Variants in NUTF2 observed in about 807,000 individuals in gnomAD.
NUTF2 encodes nuclear transport factor 2.
In NUTF2, 3 loss-of-function variants were observed where a neutral mutation model predicts 18.5. That is an observed-to-expected ratio of 0.16 (90% CI 0.07 to 0.42). The LOEUF is 0.42. NUTF2 is among the 10% of genes least tolerant of loss of function. NUTF2 has a pLI of 0.99. For synonymous variants in NUTF2, 51 were observed against 57.9 expected (o/e 0.88, Z 0.54); for missense variants, 44 against 160.7 (o/e 0.27, Z 3.93).
intron 2 of NUTF2, among the ~76,000 whole-genome samples, chr16:67,866,631 A>G (rs1037440368): frequency 1.5e-4 from 23 of 151,942 alleles, no homozygotes; most frequent in African/African-American, 4.6e-4. Context: ...ATGCCCGGCT[A>G]ATTTTTGTAT....
intron 1 of NUTF2, among the ~76,000 whole-genome samples, chr16:67,862,695 C>T (rs572399611): frequency 2.6e-5 from 4 of 152,102 alleles, no homozygotes; most frequent in Non-Finnish European, 5.9e-5. Context: ...AGCAGCCAGA[C>T]GTGGTGGTGC....
intron 1 of NUTF2, among the ~76,000 whole-genome samples, chr16:67,849,840 A>G (rs910432719): frequency 6.6e-6 from 1 of 151,728 alleles, no homozygotes; most frequent in African/African-American, 2.4e-5. Flanking sequence ...TTGTATTTTT[A>G]GTAGAGACGG....
Position 67,862,019 on chromosome 16 carries a change from G to T in NUTF2, c.-29-3083G>T, listed in dbSNP as rs2057938498. On this transcript the variant is annotated intron_variant, in intron 1 of 4. Coordinates refer to ENST00000219169, the MANE Select transcript of NUTF2 (RefSeq NM_005796.3). ...GAGCAGGCTCTCGGTAGGTTCTGTTGTGTCTGTATGTAGCTGGATCGAGGT... is the reference window on the plus strand; with the variant it reads ...GAGCAGGCTCTCGGTAGGTTCTGTTTTGTCTGTATGTAGCTGGATCGAGGT... 2.0e-5 allele frequency among the ~76,000 whole-genome samples: 3 copies of T among 152,120 alleles called. No individual in the cohort carries two copies. The South Asian group carries it at 6.2e-4, about 32-fold the overall frequency.
At chr16:67,852,196 T>C (rs2057864443) in intron 1 of NUTF2, among the ~76,000 whole-genome samples, 2 of 152,052 alleles carry the variant, frequency 1.3e-5, no homozygotes, top group Admixed American at 1.3e-4. Flanking sequence ...TGGTGTTGTA[T>C]ACCTGTAGTT....
rs772470273 is a variant in NUTF2 at position 67,870,940 on chromosome 16, G to GT, written c.*30dup. On this transcript the variant is annotated 3_prime_UTR_variant, in exon 5 of 5. Transcript: ENST00000219169. ...CTCCTCTCAGCTAGGCACTCACGCT[G>GT]TTTCCTCCTCCCTCCTCTTCCCAAT... 6.7e-6 allele frequency: 10 copies of GT among 1,493,536 alleles called. No individual in the cohort carries two copies. The African/African-American group carries it at 1.4e-4, about 21-fold the overall frequency. The allele number at this position is 1,493,536 out of a possible 1,614,324, so 92.5% of individuals were successfully genotyped here. A position where few individuals can be genotyped will look rare whatever the true frequency, so the allele number is the denominator to read the frequency against.
chr16:67,855,536 C>T (rs1190088166), intron 1 of NUTF2, among the ~76,000 whole-genome samples: 1 of 152,142 alleles, frequency 6.6e-6, no homozygotes, highest in African/African-American at 2.4e-5. Context: ...TCTGGGGTAC[C>T]TGGGAACTGA....
At chr16:67,850,867 C>T (rs942962485) in intron 1 of NUTF2, among the ~76,000 whole-genome samples, 1 of 151,982 alleles carries the variant, frequency 6.6e-6, no homozygotes. Context: ...GTGGTGCAAT[C>T]TCAGCTCACT....
intron 1 of NUTF2, among the ~76,000 whole-genome samples, chr16:67,851,579 C>T (rs938732508): frequency 1.3e-5 from 2 of 152,172 alleles, no homozygotes; most frequent in South Asian, 4.2e-4. Flanking sequence ...CATATGTATA[C>T]ATAACGCCAT....
intron 1 of NUTF2, among the ~76,000 whole-genome samples, chr16:67,854,898 C>T (rs960549717): frequency 6.6e-6 from 1 of 151,956 alleles, no homozygotes; most frequent in East Asian, 1.9e-4. Context: ...GCCAAGATCG[C>T]GCCACTGCAC....
chr16:67,871,776 T>C lies in NUTF2; in HGVS notation c.*863T>C, dbSNP rs1176760157. 1 of 152,252 alleles carries C rather than the reference T, an allele frequency of 6.6e-6. No individual in the cohort carries two copies. Among genetic ancestry groups the C allele is most frequent in the Non-Finnish European group, 1.5e-5 (1 of 68,086 alleles). 9.4% of individuals were successfully genotyped at this position (152,252 alleles called of 1,614,324 possible). ...TATCCCCAGAAGGATCAGGATCATATCCAGGATGCCCCACATACACCAAGC... is the reference window on the plus strand; with the variant it reads ...TATCCCCAGAAGGATCAGGATCATACCCAGGATGCCCCACATACACCAAGC... On this transcript the variant is annotated 3_prime_UTR_variant, in exon 5 of 5. Transcript: ENST00000219169.
Position 67,870,889 on chromosome 16 carries a change from G to A in NUTF2, c.360G>A (p.Arg120=). 1 of 1,613,852 alleles carries A rather than the reference G, an allele frequency of 6.2e-7. No individual in the cohort carries two copies. Among genetic ancestry groups the A allele is most frequent in the Non-Finnish European group, 8.5e-7 (1 of 1,179,786 alleles). ...GGGTTTGCACCAATGACATGTTCAG[G>A]CTCGCCCTGCACAACTTTGGCTGAC... ...DAWVCTNDMF[R]LALHNFG Residue 120 remains arginine (R), a synonymous_variant, in exon 5 of 5, where the codon AGG becomes AGA. Transcript: ENST00000219169.
chr16:67,859,206 G>A (rs1038804234), intron 1 of NUTF2, among the ~76,000 whole-genome samples: 1 of 151,826 alleles, frequency 6.6e-6, no homozygotes, highest in Non-Finnish European at 1.5e-5. Context: ...TTGAGATGGA[G>A]TCTCACTCTG....
chr16:67,854,268 T>G (rs1240514290), intron 1 of NUTF2, among the ~76,000 whole-genome samples: 1 of 152,200 alleles, frequency 6.6e-6, no homozygotes, highest in Non-Finnish European at 1.5e-5. Flanking sequence ...GGCCTTCTAG[T>G]CCCCTGCTTG....
chr16:67,856,686 T>G (rs2057900381), intron 1 of NUTF2, among the ~76,000 whole-genome samples: 1 of 151,770 alleles, frequency 6.6e-6, no homozygotes, highest in South Asian at 2.1e-4. Context: ...TTTTTTGTAT[T>G]TTTTATAGGG....
chr16:67,864,855 C>G (rs2057959708), intron 1 of NUTF2, among the ~76,000 whole-genome samples: 1 of 152,126 alleles, frequency 6.6e-6, no homozygotes, highest in Non-Finnish European at 1.5e-5. Context: ...CTCCACGACC[C>G]TATCATCTAT....
At chr16:67,869,014 G>A (rs1270696132) in intron 4 of NUTF2, among the ~76,000 whole-genome samples, 1 of 151,902 alleles carries the variant, frequency 6.6e-6, no homozygotes, top group Non-Finnish European at 1.5e-5. Context: ...TGCAGCCCTT[G>A]CTACCACTCC....
intron 1 of NUTF2, among the ~76,000 whole-genome samples, chr16:67,850,349 C>T (rs2057844405): frequency 1.3e-5 from 2 of 151,656 alleles, no homozygotes. Context: ...GGACTATAGG[C>T]ACCCGCCACC....
chr16:67,870,456 A>G (rs960706380), intron 4 of NUTF2: 10 of 268,570 alleles, frequency 3.7e-5, no homozygotes, highest in African/African-American at 1.4e-4. Flanking sequence ...GGTAAATACT[A>G]TGGGATTCGT....
Position 67,871,371 on chromosome 16 carries a change from A to G in NUTF2, c.*458A>G, listed in dbSNP as rs1314004808. ...TGGCTGGGCATCAGAAGCTACCCAGACCCGTTGTCTCTCTCATGTTTCACC... is the reference window on the plus strand; with the variant it reads ...TGGCTGGGCATCAGAAGCTACCCAGGCCCGTTGTCTCTCTCATGTTTCACC... On this transcript the variant is annotated 3_prime_UTR_variant, in exon 5 of 5. Coordinates refer to ENST00000219169, the MANE Select transcript of NUTF2 (RefSeq NM_005796.3). 6.5e-6 allele frequency: 1 copy of G among 153,092 alleles called. No homozygotes were observed. The highest frequency in any genetic ancestry group is 1.5e-5 in the Non-Finnish European group (1 of 68,596). 9.5% of individuals were successfully genotyped at this position (153,092 alleles called of 1,614,324 possible).
Sources: allele counts gnomAD v4.1 joint callset (sites outside exome capture counted in the v4.1 genomes callset), GRCh38; gene constraint gnomAD v4.1.1; transcripts MANE v1.5; gene names NCBI Gene and HGNC (gene_info 2026-07-23, HGNC 2026-07-21).